TPRG1: variants seen among roughly 807,000 people sequenced by gnomAD.
TPRG1 encodes tumor protein p63-regulated gene 1 protein.
In TPRG1, 29 loss-of-function variants were observed where a neutral mutation model predicts 29.3. The ratio of observed to expected loss-of-function variants is 0.99; its 90% CI spans 0.74 to 1.35. The LOEUF is 1.35. TPRG1 is among the 40% of genes most tolerant of loss of function. The pLI is 0.00. For synonymous variants in TPRG1, 130 were observed against 116.8 expected, an observed-to-expected ratio of 1.11 and a Z score of -0.73; for missense variants, 327 against 335.0, an observed-to-expected ratio of 0.98 and a Z score of 0.19.
At chr3:189,052,311 A>G (rs1715372946) in intron 4 of TPRG1, among the ~76,000 whole-genome samples, 1 of 152,116 alleles carries the variant, frequency 6.6e-6, no homozygotes, top group Non-Finnish European at 1.5e-5. Context: ...AAAAGAAGAT[A>G]TACAAATAGC....
intron 4 of TPRG1, among the ~76,000 whole-genome samples, chr3:189,262,346 T>G (rs1049223968): frequency 6.6e-6 from 1 of 152,194 alleles, no homozygotes; most frequent in African/African-American, 2.4e-5. Flanking sequence ...GAGGGACAGA[T>G]AGTAAGCCTA....
intron 3 of TPRG1, among the ~76,000 whole-genome samples, chr3:189,014,924 T>C (rs987864088): frequency 2.0e-5 from 3 of 152,088 alleles, no homozygotes; most frequent in Non-Finnish European, 2.9e-5. Flanking sequence ...ACCAGGATAG[T>C]GGGGCACTGT....
At chr3:189,318,454 G>T (rs1723895983) in intron 5 of TPRG1, among the ~76,000 whole-genome samples, 1 of 152,180 alleles carries the variant, frequency 6.6e-6, no homozygotes. Flanking sequence ...TGAGAGATGT[G>T]TTGGAGAGTC....
intron 1 of TPRG1, among the ~76,000 whole-genome samples, chr3:189,183,097 GT>G (rs758920945): frequency 1.3e-5 from 2 of 152,120 alleles, no homozygotes; most frequent in African/African-American, 2.4e-5. Context: ...AGTCACGTAG[GT>G]TCTTTTCCAT....
chr3:189,319,176 T>C (rs544732433), intron 5 of TPRG1, among the ~76,000 whole-genome samples: 2 of 152,326 alleles, frequency 1.3e-5, no homozygotes, highest in African/African-American at 4.8e-5. Flanking sequence ...AACTTCACTT[T>C]ATGAATATCA....
intron 1 of TPRG1, among the ~76,000 whole-genome samples, chr3:189,193,886 T>C (rs1400510575): frequency 6.7e-6 from 1 of 148,226 alleles, no homozygotes; most frequent in Non-Finnish European, 1.5e-5. Flanking sequence ...TTATTTTGAA[T>C]TCCTTTTCCT....
intron 5 of TPRG1, among the ~76,000 whole-genome samples, chr3:189,165,611 C>G (rs1453686669): frequency 6.6e-6 from 1 of 151,984 alleles, no homozygotes; most frequent in African/African-American, 2.4e-5. Context: ...GTGAGAGGCT[C>G]TTTCTGGACA....
At chr3:189,079,592 A>AAC (rs10685517) in intron 4 of TPRG1, among the ~76,000 whole-genome samples, 13,671 of 152,186 alleles carry the variant, frequency 0.09, 763 homozygotes, top group African/African-American at 0.16. Context: ...AAGTATTTTA[A>AAC]ACACACACAC....
chr3:189,003,656 G>A (rs555100163), intron 2 of TPRG1, among the ~76,000 whole-genome samples: 105 of 152,176 alleles, frequency 6.9e-4, no homozygotes, highest in Non-Finnish European at 1.3e-3. Context: ...TGGTGACTGA[G>A]TATGACTAGA....
chr3:189,117,776 C>T (rs1052223640), intron 1 of TPRG1, among the ~76,000 whole-genome samples: 4 of 152,216 alleles, frequency 2.6e-5, no homozygotes, highest in East Asian at 1.9e-4. Flanking sequence ...TCTCCTTTGC[C>T]TTCTGCCATG....
chr3:189,070,316 AC>A (rs1391132015), intron 4 of TPRG1, among the ~76,000 whole-genome samples: 1 of 152,018 alleles, frequency 6.6e-6, no homozygotes, highest in Non-Finnish European at 1.5e-5. Context: ...AACACAAGGA[AC>A]CCTTGGATGA....
At chr3:189,274,974 G>A (rs1157850531) in intron 4 of TPRG1, among the ~76,000 whole-genome samples, 1 of 146,498 alleles carries the variant, frequency 6.8e-6, no homozygotes, top group Non-Finnish European at 1.5e-5. Context: ...GTGTGTGTGT[G>A]TGTGTATGAA....
chr3:189,049,143 C>T (rs570600083), intron 4 of TPRG1, among the ~76,000 whole-genome samples: 10 of 152,234 alleles, frequency 6.6e-5, no homozygotes, highest in Admixed American at 6.5e-4. Context: ...CTCCCGGCCA[C>T]AACTAGGGGA....
chr3:189,275,993 G>C (rs930459276), intron 4 of TPRG1, among the ~76,000 whole-genome samples: 1 of 152,100 alleles, frequency 6.6e-6, no homozygotes, highest in Non-Finnish European at 1.5e-5. Context: ...ATCATAGAAA[G>C]CTTCTTAAAG....
At chr3:189,292,522 G>A (rs140077324) in intron 4 of TPRG1, among the ~76,000 whole-genome samples, 1 of 152,092 alleles carries the variant, frequency 6.6e-6, no homozygotes, top group African/African-American at 2.4e-5. Context: ...CAGCTAATAG[G>A]GCTGTGGGGA....
intron 1 of TPRG1, among the ~76,000 whole-genome samples, chr3:189,196,523 G>T (rs1319886773): frequency 6.6e-6 from 1 of 152,102 alleles, no homozygotes; most frequent in Non-Finnish European, 1.5e-5. Flanking sequence ...CAGCAGGCAG[G>T]AGAGGGCATG....
chr3:189,210,857 T>C (rs1735156859), intron 2 of TPRG1, among the ~76,000 whole-genome samples: 1 of 151,824 alleles, frequency 6.6e-6, no homozygotes. Flanking sequence ...CAACTTATCA[T>C]GGAGTAAGAA....
intron 4 of TPRG1, among the ~76,000 whole-genome samples, chr3:189,061,301 T>C: frequency 6.6e-6 from 1 of 152,202 alleles, no homozygotes; most frequent in South Asian, 2.1e-4. Flanking sequence ...TCAAGATGGC[T>C]TAAAGACTTA....
At chr3:189,198,562 A>G (rs900173136) in intron 1 of TPRG1, among the ~76,000 whole-genome samples, 7 of 152,258 alleles carry the variant, frequency 4.6e-5, no homozygotes, top group Admixed American at 2.6e-4. Context: ...ATGCGCACAG[A>G]TAAAACAAAT....
Sources: gnomAD v4.1 joint callset for allele counts (sites outside exome capture counted in the v4.1 genomes callset) on GRCh38, gnomAD v4.1.1 for gene constraint, MANE v1.5 for transcripts, NCBI Gene and HGNC (gene_info 2026-07-23, HGNC 2026-07-21) for gene names.